Variants in SEL1L2 observed in about 807,000 individuals in gnomAD.
SEL1L2 encodes SEL1L2 adaptor subunit of SYVN1 ubiquitin ligase, also known as protein sel-1 homolog 2.
Under a neutral mutation model 98.8 loss-of-function variants are expected in SEL1L2, and 89 were observed. The ratio of observed to expected loss-of-function variants is 0.90; its 90% CI spans 0.76 to 1.07. The LOEUF (loss-of-function observed/expected upper bound fraction) is 1.07, where lower values mean the gene tolerates loss of function less well. SEL1L2 is among the 50% of genes least tolerant of loss of function. The pLI is 0.00. For missense variants in SEL1L2, 788 were observed against 812.0 expected, an observed-to-expected ratio of 0.97 and a Z score of 0.36; for synonymous variants, 262 against 278.5, an observed-to-expected ratio of 0.94 and a Z score of 0.59.
At chr20:13,973,881 T>C (rs749423947) in intron 1 of SEL1L2, among the ~76,000 whole-genome samples, 17 of 152,344 alleles carry the variant, frequency 1.1e-4, no homozygotes, top group Non-Finnish European at 1.9e-4. Context: ...GGCTGGCACA[T>C]GACCACACAA....
chr20:13,924,910 G>A (rs766216948), intron 3 of SEL1L2, among the ~76,000 whole-genome samples: 29 of 151,978 alleles, frequency 1.9e-4, no homozygotes, highest in East Asian at 3.9e-4. Context: ...AGGCCGAGGC[G>A]GGCAGATCAC....
At chr20:13,859,479 C>T in intron 17 of SEL1L2, 45 bp from the exon 18 acceptor site, 1 of 1,521,086 alleles carries the variant, frequency 6.6e-7, no homozygotes, top group Non-Finnish European at 9.0e-7. Context: ...TCAAATGATT[C>T]ATGTATAGTT....
At chr20:13,903,841 T>C (rs938220538) in intron 5 of SEL1L2, among the ~76,000 whole-genome samples, 1 of 152,078 alleles carries the variant, frequency 6.6e-6, no homozygotes, top group Non-Finnish European at 1.5e-5. Flanking sequence ...TTGAAGCCCA[T>C]AGGGTCACGA....
chr20:13,987,538 G>A (rs1167502784), intron 1 of SEL1L2, among the ~76,000 whole-genome samples: 1 of 151,562 alleles, frequency 6.6e-6, no homozygotes, highest in Non-Finnish European at 1.5e-5. Flanking sequence ...TAGAGACAGG[G>A]TTTCACCATG....
chr20:13,890,384 A>G (rs1299732511), intron 5 of SEL1L2, among the ~76,000 whole-genome samples: 1 of 151,526 alleles, frequency 6.6e-6, no homozygotes, highest in Non-Finnish European at 1.5e-5. Context: ...GAGATTATAA[A>G]CTCCTGGAAG....
At chr20:13,990,438 G>A (rs1226160450) in intron 1 of SEL1L2, 39 bp downstream of exon 1, 3 of 1,417,504 alleles carry the variant, frequency 2.1e-6, no homozygotes, top group Non-Finnish European at 2.0e-6. Flanking sequence ...GCAAAGAGAA[G>A]AGACCCTCAT....
chr20:13,925,093 T>C (rs2048828272), intron 3 of SEL1L2, among the ~76,000 whole-genome samples: 1 of 152,110 alleles, frequency 6.6e-6, no homozygotes, highest in Admixed American at 6.5e-5. Context: ...GAGCAGAGAT[T>C]GCACCACTGC....
intron 10 of SEL1L2, among the ~76,000 whole-genome samples, chr20:13,884,489 T>C (rs565089663): frequency 7.2e-5 from 11 of 152,186 alleles, no homozygotes; most frequent in African/African-American, 2.4e-4. Context: ...ATTTGAATGG[T>C]TAATTAACTT....
intron 1 of SEL1L2, among the ~76,000 whole-genome samples, chr20:13,974,581 A>C (rs1293722548): frequency 1.4e-5 from 2 of 145,220 alleles, no homozygotes; most frequent in African/African-American, 5.1e-5. Flanking sequence ...TGTGTTCAAG[A>C]GATTCTCGTG....
At chr20:13,870,323 C>T in intron 12 of SEL1L2, 120 bp from the exon 13 acceptor site, 1 of 695,702 alleles carries the variant, frequency 1.4e-6, no homozygotes, top group Non-Finnish European at 2.5e-6. Flanking sequence ...AGGCAGTTGG[C>T]AGGTTATTCT....
Position 13,900,537 on chromosome 20 carries a change from G to C in SEL1L2, c.550-12025C>G, listed in dbSNP as rs377438206. On this transcript the variant is annotated intron_variant, in intron 5 of 19. Transcript: ENST00000284951. ...AACAGTTGGATCCAGAGATGGCTGAGTAGGAGATGAACTTTGGCGAACTCT... is the reference window on the plus strand; with the variant it reads ...AACAGTTGGATCCAGAGATGGCTGACTAGGAGATGAACTTTGGCGAACTCT... Among the ~76,000 whole-genome samples, 42 of 152,302 alleles carry C rather than the reference G, an allele frequency of 2.8e-4. No individual in the cohort carries two copies. In the South Asian group the frequency reaches 8.1e-3, roughly 29 times the overall value.
chr20:13,859,253 C>CA lies in SEL1L2; in HGVS notation c.1818+8dup. 3 of 1,613,262 alleles carry CA rather than the reference C, an allele frequency of 1.9e-6. No homozygotes were observed. The highest frequency in any genetic ancestry group is 2.5e-6 in the Non-Finnish European group (3 of 1,179,362). ...ATTACTAGGTTTGAATTATTACCAG[C>CA]AAAATTACCTTTGTGATGCCTAAGC... On this transcript the variant is annotated intron_variant, in intron 18 of 19. Transcript: ENST00000284951.
chr20:13,935,326 C>G (rs1445984689), intron 2 of SEL1L2, among the ~76,000 whole-genome samples: 1 of 152,186 alleles, frequency 6.6e-6, no homozygotes, highest in Non-Finnish European at 1.5e-5. Context: ...ACCAACCAAA[C>G]AAACAAAGTC....
chr20:13,867,648 C>G (rs1196128411), intron 14 of SEL1L2, among the ~76,000 whole-genome samples: 1 of 152,168 alleles, frequency 6.6e-6, no homozygotes, highest in Non-Finnish European at 1.5e-5. Context: ...AGTGGATACA[C>G]TGTGGGATAC....
At chr20:13,985,200 G>A (rs1264480809) in intron 1 of SEL1L2, among the ~76,000 whole-genome samples, 1 of 152,008 alleles carries the variant, frequency 6.6e-6, no homozygotes, top group East Asian at 1.9e-4. Flanking sequence ...AACCTGAAAT[G>A]ACTACCCATT....
upstream of SEL1L2, among the ~76,000 whole-genome samples, chr20:13,992,725 A>G (rs1434275096): frequency 6.6e-6 from 1 of 152,164 alleles, no homozygotes; most frequent in African/African-American, 2.4e-5. Context: ...CACAGCAGAA[A>G]TTAATTTTCT....
At position 13,968,398 on chromosome 20, in the gene SEL1L2, C is replaced by T. The variant is rs538303548; in HGVS notation, c.59-12267G>A. Among the ~76,000 whole-genome samples, 23 of 152,248 alleles carry T rather than the reference C, an allele frequency of 1.5e-4. No homozygotes were observed. In the South Asian group the frequency reaches 2.9e-3, roughly 19 times the overall value. ...GCACAGTGCCTGGCACAGTGCCTAG[C>T]GCATAGCAAGTGCCTAATAAATGTT... On this transcript the variant is annotated intron_variant, in intron 1 of 19. Coordinates refer to ENST00000284951, the MANE Select transcript of SEL1L2 (RefSeq NM_025229.2).
rs930618100 is a variant in SEL1L2, at chr20:13,915,031, T to G, written c.387-1087A>C. Reference sequence around the variant, plus strand: ...AAGGTAAAGACCAGAAAGCGTTAACTTCTACCTGTGACCTTGACTCAAATA... The same window carrying G: ...AAGGTAAAGACCAGAAAGCGTTAACGTCTACCTGTGACCTTGACTCAAATA... On this transcript the variant is annotated intron_variant, in intron 4 of 19. Coordinates refer to ENST00000284951, the MANE Select transcript of SEL1L2 (RefSeq NM_025229.2). The G allele has an allele frequency of 7.1e-6, 8 of 1,129,646 alleles. No individual in the cohort carries two copies. In the Admixed American group the frequency reaches 1.5e-4, roughly 22 times the overall value. 70.0% of individuals were successfully genotyped at this position (1,129,646 alleles called of 1,614,324 possible).
intron 18 of SEL1L2, among the ~76,000 whole-genome samples, chr20:13,856,928 A>T (rs964445710): frequency 1.3e-5 from 2 of 152,182 alleles, no homozygotes; most frequent in African/African-American, 4.8e-5. Flanking sequence ...TTACTTGATG[A>T]CTTAACTGCT....
Sources: allele counts gnomAD v4.1 joint callset (sites outside exome capture counted in the v4.1 genomes callset), GRCh38; gene constraint gnomAD v4.1.1; transcripts MANE v1.5; gene names NCBI Gene and HGNC (gene_info 2026-07-23, HGNC 2026-07-21).